The following KCNJ6 variants were observed in gnomAD, a reference collection of about 807,000 sequenced individuals.
KCNJ6 encodes the protein potassium inwardly rectifying channel subfamily J member 6, also known as G protein-activated inward rectifier potassium channel 2.
A neutral mutation model predicts 34.2 loss-of-function variants in KCNJ6; 9 were observed. The ratio of observed to expected loss-of-function variants is 0.26; its 90% CI spans 0.16 to 0.46. The LOEUF (loss-of-function observed/expected upper bound fraction) is 0.46. Ranked by LOEUF, KCNJ6 falls within the 20% of genes least tolerant of loss-of-function variation. The pLI is 1.00. For missense variants in KCNJ6, 236 were observed against 531.3 expected (o/e 0.44, Z 5.46); for synonymous variants, 196 against 207.1 (o/e 0.95, Z 0.46).
intron 2 of KCNJ6, among the ~76,000 whole-genome samples, chr21:37,819,371 T>C (rs2123552237): frequency 6.6e-6 from 1 of 152,338 alleles, no homozygotes; most frequent in South Asian, 2.1e-4. Context: ...CCTCTTAGAC[T>C]TTTTAACTCC....
intron 2 of KCNJ6, among the ~76,000 whole-genome samples, chr21:37,732,286 C>T (rs73206019): frequency 0.2 from 30,426 of 152,070 alleles, 3,223 homozygotes; most frequent in African/African-American, 0.27. Context: ...GACTGGTCAC[C>T]CCTGCTCAGA....
At chr21:37,756,726 A>ATGC (rs2055028786) in intron 2 of KCNJ6, among the ~76,000 whole-genome samples, 1 of 18,694 alleles carries the variant, frequency 5.3e-5, no homozygotes, top group African/African-American at 2.3e-4. Context: ...TCCCTCACAG[A>ATGC]TTCAAGCCCG....
chr21:37,869,249 G>A (rs988723416), intron 1 of KCNJ6, among the ~76,000 whole-genome samples: 7 of 152,190 alleles, frequency 4.6e-5, no homozygotes, highest in African/African-American at 1.2e-4. Flanking sequence ...CTCCACGGCC[G>A]AGCCCTCATA....
chr21:37,725,117 C>T (rs1314420897), intron 2 of KCNJ6, among the ~76,000 whole-genome samples: 2 of 152,054 alleles, frequency 1.3e-5, no homozygotes, highest in East Asian at 3.9e-4. Flanking sequence ...AATACCCCAA[C>T]AGAAAAAAAT....
chr21:37,822,004 G>T (rs777837156), intron 2 of KCNJ6, among the ~76,000 whole-genome samples: 12 of 152,218 alleles, frequency 7.9e-5, no homozygotes, highest in Non-Finnish European at 1.8e-4. Flanking sequence ...TCCACCAGAG[G>T]AGGATAATCA....
chr21:37,815,065 A>G (rs1476824494), intron 2 of KCNJ6, among the ~76,000 whole-genome samples: 2 of 152,110 alleles, frequency 1.3e-5, no homozygotes, highest in Non-Finnish European at 2.9e-5. Context: ...CTTAACATCA[A>G]AACAATTGAT....
chr21:37,668,566 A>AC (rs2054527599), intron 3 of KCNJ6, among the ~76,000 whole-genome samples: 1 of 152,104 alleles, frequency 6.6e-6, no homozygotes, highest in Non-Finnish European at 1.5e-5. Flanking sequence ...ATGCTGAGGT[A>AC]TGGGGGGTTA....
Position 37,731,787 on chromosome 21 carries a change from T to C in KCNJ6, c.26-16656A>G, listed in dbSNP as rs191782048. On this transcript the variant is annotated intron_variant, in intron 2 of 3. Transcript: ENST00000609713. ...TACTTCAGGAAGCATCCACAGATAG[T>C]GCTCAGGAGGAGCAGAGGGTGCAGG... is the stretch of plus-strand genomic sequence containing the variant. Among the ~76,000 whole-genome samples, 198 of 152,266 alleles carry C rather than the reference T, an allele frequency of 1.3e-3. 1 individual carries two copies. Among genetic ancestry groups the C allele is most frequent in the South Asian group, 3.3e-3 (16 of 4,814 alleles).
chr21:37,653,998 GTTC>G (rs1328368623), intron 3 of KCNJ6, among the ~76,000 whole-genome samples: 1 of 151,770 alleles, frequency 6.6e-6, no homozygotes, highest in Non-Finnish European at 1.5e-5. Context: ...ACCCTAGAAA[GTTC>G]TGGAACCAGC....
At chr21:37,744,175 G>C (rs1376988755) in intron 2 of KCNJ6, among the ~76,000 whole-genome samples, 1 of 123,230 alleles carries the variant, frequency 8.1e-6, no homozygotes. Flanking sequence ...GGTGGGGGGA[G>C]GGGGGAGGGA....
At chr21:37,765,929 A>G (rs2055088601) in intron 2 of KCNJ6, among the ~76,000 whole-genome samples, 1 of 152,258 alleles carries the variant, frequency 6.6e-6, no homozygotes, top group African/African-American at 2.4e-5. Context: ...TTTGCATTGC[A>G]TATATACAAA....
At chr21:37,899,530 G>A (rs1021905331) in intron 1 of KCNJ6, among the ~76,000 whole-genome samples, 1 of 152,050 alleles carries the variant, frequency 6.6e-6, no homozygotes, top group Non-Finnish European at 1.5e-5. Context: ...CCACACTTTT[G>A]CTGACACTCT....
chr21:37,908,178 G>C (rs2055850755), intron 1 of KCNJ6, among the ~76,000 whole-genome samples: 1 of 152,194 alleles, frequency 6.6e-6, no homozygotes, highest in Non-Finnish European at 1.5e-5. Flanking sequence ...AAGTATTATG[G>C]ATCACCACTC....
At chr21:37,815,155 T>C (rs1383761870) in intron 2 of KCNJ6, among the ~76,000 whole-genome samples, 1 of 152,020 alleles carries the variant, frequency 6.6e-6, no homozygotes, top group East Asian at 1.9e-4. Context: ...GGATGGTTAA[T>C]AGGTACAAAA....
intron 3 of KCNJ6, among the ~76,000 whole-genome samples, chr21:37,650,284 C>T (rs1269588627): frequency 6.6e-6 from 1 of 152,138 alleles, no homozygotes; most frequent in Non-Finnish European, 1.5e-5. Flanking sequence ...TGGGCTTTGG[C>T]AATAAGCTAC....
intron 2 of KCNJ6, among the ~76,000 whole-genome samples, chr21:37,796,348 A>G (rs2055241992): frequency 6.6e-6 from 1 of 152,340 alleles, no homozygotes; most frequent in South Asian, 2.1e-4. Context: ...AAAATGGATC[A>G]ACCCCGTGAG....
chr21:37,816,282 T>A (rs1175254464), intron 2 of KCNJ6, among the ~76,000 whole-genome samples: 1 of 152,216 alleles, frequency 6.6e-6, no homozygotes, highest in Non-Finnish European at 1.5e-5. Flanking sequence ...AGGACCGGTT[T>A]ACATTCCTGA....
At chr21:37,729,568 C>A (rs558475722) in intron 2 of KCNJ6, among the ~76,000 whole-genome samples, 47 of 152,330 alleles carry the variant, frequency 3.1e-4, no homozygotes, top group African/African-American at 1.1e-3. Flanking sequence ...AAGCGATTCA[C>A]CCACCTCAAC....
chr21:37,624,925 G>T lies in KCNJ6; in HGVS notation c.*234C>A. 1 of 555,558 alleles carries T rather than the reference G, an allele frequency of 1.8e-6. No individual in the cohort carries two copies. The highest frequency in any genetic ancestry group is 3.2e-5 in the Admixed American group (1 of 31,260). The allele number at this position is 555,558 out of a possible 1,614,324, so 34.4% of individuals were successfully genotyped here. On this transcript the variant is annotated 3_prime_UTR_variant, in exon 4 of 4. Transcript: ENST00000609713. ...TATTTTGGGAGGAGACCAGGCTTGGGCCACAAATGAGGGCACTTTGCACTT... is the reference window on the plus strand; with the variant it reads ...TATTTTGGGAGGAGACCAGGCTTGGTCCACAAATGAGGGCACTTTGCACTT...
Sources: gnomAD v4.1 joint callset for allele counts (sites outside exome capture counted in the v4.1 genomes callset) on GRCh38, gnomAD v4.1.1 for gene constraint, MANE v1.5 for transcripts, NCBI Gene and HGNC (gene_info 2026-07-23, HGNC 2026-07-21) for gene names.